MFSD8: variants seen among roughly 807,000 people sequenced by gnomAD.
MFSD8 encodes major facilitator superfamily domain-containing protein 8.
Under a neutral mutation model 66.4 loss-of-function variants are expected in MFSD8, and 55 were observed. The observed-to-expected ratio is 0.83, with a 90% CI of 0.67 to 1.04. The LOEUF (loss-of-function observed/expected upper bound fraction) is 1.04, where lower values mean the gene tolerates loss of function less well. Ranked by LOEUF, MFSD8 falls within the 50% of genes least tolerant of loss-of-function variation. The pLI is 0.00. For missense variants in MFSD8, 550 were observed against 627.6 expected, an observed-to-expected ratio of 0.88 and a Z score of 1.32; for synonymous variants, 202 against 212.8, an observed-to-expected ratio of 0.95 and a Z score of 0.44.
chr4:127,952,261 C>G (rs1182209310), intron 2 of MFSD8, among the ~76,000 whole-genome samples: 1 of 151,360 alleles, frequency 6.6e-6, no homozygotes. Context: ...AAAAATTATC[C>G]GGGTGTAGCG....
chr4:127,935,112 A>G (rs994254922), intron 7 of MFSD8, among the ~76,000 whole-genome samples: 4 of 152,194 alleles, frequency 2.6e-5, no homozygotes, highest in Non-Finnish European at 4.4e-5. Context: ...TGGATGCTCA[A>G]CATAGCCTTA....
intron 2 of MFSD8, among the ~76,000 whole-genome samples, chr4:127,957,045 T>C (rs112430952): frequency 1.6e-4 from 24 of 152,212 alleles, no homozygotes; most frequent in African/African-American, 5.3e-4. Flanking sequence ...AGAGGAAAAA[T>C]TTCTCCTACC....
At chr4:127,951,057 CA>C (rs111867339) in intron 2 of MFSD8, among the ~76,000 whole-genome samples, 2,943 of 106,946 alleles carry the variant, frequency 0.028, 80 homozygotes, top group African/African-American at 0.093. Flanking sequence ...GACTCTGTCT[CA>C]AAAAAAAAAA....
intron 9 of MFSD8, among the ~76,000 whole-genome samples, chr4:127,926,531 T>C (rs1737238920): frequency 1.3e-5 from 2 of 151,992 alleles, no homozygotes; most frequent in Non-Finnish European, 2.9e-5. Flanking sequence ...TTCCCCCTAC[T>C]GGAATACACG....
At chr4:127,949,749 G>T (rs367786065) in intron 3 of MFSD8, 55 bp downstream of exon 3, 112 of 1,443,176 alleles carry the variant, frequency 7.8e-5, no homozygotes, top group Non-Finnish European at 1.1e-4. Context: ...GCTTAACTAC[G>T]TAAGAGTTAC....
chr4:127,921,178 T>A, intron 11 of MFSD8: 1 of 564,052 alleles, frequency 1.8e-6, no homozygotes, highest in Non-Finnish European at 3.1e-6. Flanking sequence ...TGTTCACAAG[T>A]TTCGATGACA....
intron 8 of MFSD8, among the ~76,000 whole-genome samples, chr4:127,931,413 A>G (rs1738105179): frequency 6.6e-6 from 1 of 152,162 alleles, no homozygotes; most frequent in Non-Finnish European, 1.5e-5. Flanking sequence ...GCTGGAGTGC[A>G]GTGGCATGAT....
chr4:127,931,220 A>C (rs531927582), intron 8 of MFSD8, among the ~76,000 whole-genome samples: 1 of 152,216 alleles, frequency 6.6e-6, no homozygotes, highest in African/African-American at 2.4e-5. Flanking sequence ...AATATACTGG[A>C]TTTTTGAATA....
At chr4:127,952,809 G>A (rs1742217971) in intron 2 of MFSD8, among the ~76,000 whole-genome samples, 1 of 148,816 alleles carries the variant, frequency 6.7e-6, no homozygotes, top group Non-Finnish European at 1.5e-5. Flanking sequence ...GGCAGAGGTT[G>A]AGGTGAGCTG....
At chr4:127,942,756 A>G (rs1472582653) in intron 4 of MFSD8, among the ~76,000 whole-genome samples, 1 of 152,224 alleles carries the variant, frequency 6.6e-6, no homozygotes, top group African/African-American at 2.4e-5. Context: ...TGTTTTTAAA[A>G]GAAAAGTATT....
In MFSD8 at chr4:127,920,453, C is replaced by A; in HGVS notation, c.*177G>T. The A allele has an allele frequency of 1.5e-6, 1 of 671,420 alleles. No individual in the cohort carries two copies. Among genetic ancestry groups the A allele is most frequent in the Non-Finnish European group, 2.7e-6 (1 of 373,182 alleles). The allele number at this position is 671,420 out of a possible 1,614,324, so 41.6% of individuals were successfully genotyped here. On this transcript the variant is annotated 3_prime_UTR_variant, in exon 12 of 12. Coordinates refer to ENST00000641686, the MANE Select transcript of MFSD8 (RefSeq NM_001371596.2). ...ATCATCTAGTATGTTTTTATATAACCTACTATTCACAATGACATGTAGAAT... is the reference window on the plus strand; with the variant it reads ...ATCATCTAGTATGTTTTTATATAACATACTATTCACAATGACATGTAGAAT...
chr4:127,939,564 C>A, intron 6 of MFSD8: 1 of 224,868 alleles, frequency 4.4e-6, no homozygotes, highest in Non-Finnish European at 8.4e-6. Context: ...GAGATAGTGC[C>A]ACTGCCCTCC....
chr4:127,925,407 C>T (rs1428925675), intron 9 of MFSD8, among the ~76,000 whole-genome samples: 3 of 151,906 alleles, frequency 2.0e-5, no homozygotes, highest in Non-Finnish European at 4.4e-5. Context: ...AAAAAAACAA[C>T]CCCATCAAAA....
chr4:127,955,684 C>T (rs1204168005), intron 2 of MFSD8, among the ~76,000 whole-genome samples: 2 of 152,054 alleles, frequency 1.3e-5, no homozygotes, highest in African/African-American at 2.4e-5. Flanking sequence ...CTGCTCTCCC[C>T]CTTTCTGCCT....
At chr4:127,963,668 G>A (rs1744245867) in intron 1 of MFSD8, among the ~76,000 whole-genome samples, 1 of 152,164 alleles carries the variant, frequency 6.6e-6, no homozygotes, top group Non-Finnish European at 1.5e-5. Context: ...GCAGACCTTC[G>A]CGGTGAGTGT....
chr4:127,922,745 T>G (rs1337241608), intron 9 of MFSD8, among the ~76,000 whole-genome samples: 1 of 152,198 alleles, frequency 6.6e-6, no homozygotes, highest in Non-Finnish European at 1.5e-5. Flanking sequence ...TATCCTGCCT[T>G]TCCTATACAA....
chr4:127,957,791 T>C (rs1367336849), intron 1 of MFSD8, among the ~76,000 whole-genome samples, 199 bp from the exon 2 acceptor site: 1 of 152,220 alleles, frequency 6.6e-6, no homozygotes, highest in East Asian at 1.9e-4. Context: ...CATTATTGTA[T>C]ACAGAAATTT....
Position 127,938,782 on chromosome 4 carries a change from C to T in MFSD8, c.754+1G>A, listed in dbSNP as rs868732642. ...AATTCAGCCAAATGGGTTAAAAGTACCTTCTTCAAAATTAATACTTTTACA... is the reference window on the plus strand; with the variant it reads ...AATTCAGCCAAATGGGTTAAAAGTATCTTCTTCAAAATTAATACTTTTACA... On this transcript the variant is annotated splice_donor_variant, in intron 7 of 11. Transcript: ENST00000641686. LOFTEE classifies it high-confidence loss of function. The T allele has an allele frequency of 1.2e-6, 2 of 1,606,360 alleles. No individual in the cohort carries two copies. The highest frequency in any genetic ancestry group is 2.2e-5 in the East Asian group (1 of 44,586).
chr4:127,964,990 T>C, intron 1 of MFSD8, 82 bp downstream of exon 1: 2 of 1,525,838 alleles, frequency 1.3e-6, no homozygotes, highest in Admixed American at 1.9e-5. Context: ...CGAGGGTTTG[T>C]CCCAGTGCGG....
Sources: gnomAD v4.1 joint callset for allele counts (sites outside exome capture counted in the v4.1 genomes callset) on GRCh38, gnomAD v4.1.1 for gene constraint, MANE v1.5 for transcripts, NCBI Gene and HGNC (gene_info 2026-07-23, HGNC 2026-07-21) for gene names.